The following ZNF831 variants were observed in gnomAD, a reference collection of about 807,000 sequenced individuals.
The protein encoded by ZNF831 is zinc finger protein 831.
Under a neutral mutation model 95.8 loss-of-function variants are expected in ZNF831, and 59 were observed. The observed-to-expected ratio is 0.62, with a 90% CI of 0.50 to 0.77. ZNF831 has a LOEUF of 0.77. Among genes scored for constraint, ZNF831 ranks in the 30% least tolerant of loss-of-function variants. The pLI, the probability that ZNF831 is intolerant of heterozygous loss-of-function variation, is 0.00. For missense variants in ZNF831, 2,205 were observed against 2,164.0 expected (o/e 1.02, Z -0.38); for synonymous variants, 961 against 925.5 (o/e 1.04, Z -0.70).
intron 4 of ZNF831, among the ~76,000 whole-genome samples, chr20:59,235,232 C>A (rs972867841): frequency 1.3e-5 from 2 of 152,166 alleles, no homozygotes; most frequent in African/African-American, 4.8e-5. Context: ...CCAGGGTCCC[C>A]GCTGCCAACA....
intron 4 of ZNF831, among the ~76,000 whole-genome samples, chr20:59,225,737 G>C (rs1986381441): frequency 6.6e-6 from 1 of 152,154 alleles, no homozygotes; most frequent in Non-Finnish European, 1.5e-5. Flanking sequence ...GGCCTCCATG[G>C]AGTTCACCCA....
intron 2 of ZNF831, among the ~76,000 whole-genome samples, chr20:59,157,979 A>G (rs989376361): frequency 6.6e-6 from 1 of 152,220 alleles, no homozygotes; most frequent in Non-Finnish European, 1.5e-5. Context: ...CTGAAAAATT[A>G]ATCTACAAAA....
At position 59,194,512 on chromosome 20, in the gene ZNF831, C is replaced by T. The variant is rs374702146; in HGVS notation, c.3493C>T (p.Arg1165Cys). ...HSGTSRSHST[R>C]SPHSTQNPFP... ...AGGGACGTCCCGGAGCCACAGCACC[C>T]GCAGTCCCCACAGCACCCAAAACCC... The change falls in exon 2 of 6, where the codon CGC becomes TGC. Residue 1165 changes from arginine (R) to cysteine (C), a missense_variant. By Grantham distance (180) the Arg-to-Cys change is radical (BLOSUM62 -3). Transcript: ENST00000371030. 23 of 1,609,698 alleles carry T rather than the reference C, an allele frequency of 1.4e-5. 1 individual carries two copies. Among genetic ancestry groups the T allele is most frequent in the South Asian group, 5.5e-5 (5 of 90,274 alleles).
intron 4 of ZNF831, among the ~76,000 whole-genome samples, chr20:59,240,400 C>T (rs1987259697): frequency 1.3e-5 from 2 of 152,174 alleles, no homozygotes; most frequent in Admixed American, 1.3e-4. Context: ...AAGGCTTTTT[C>T]TACACCTCAA....
chr20:59,193,733 C>G lies in ZNF831; in HGVS notation c.2714C>G (p.Pro905Arg). 1 of 1,610,886 alleles carries G rather than the reference C, an allele frequency of 6.2e-7. No homozygotes were observed. Among genetic ancestry groups the G allele is most frequent in the Admixed American group, 1.7e-5 (1 of 59,790 alleles). The change falls in exon 2 of 6, where the codon CCA becomes CGA. Residue 905 changes from proline (P) to arginine (R), a missense_variant. Transcript: ENST00000371030. ...GTGGGGCCAAGGGACAAGGCTACCC[C>G]ACTGCATCCTGCAGCCCCAGCCCCC... ...KRVGPRDKAT[P>R]LHPAAPAPAE...
At chr20:59,205,969 A>G (rs1269797627) in intron 3 of ZNF831, among the ~76,000 whole-genome samples, 2 of 152,256 alleles carry the variant, frequency 1.3e-5, no homozygotes, top group Admixed American at 1.3e-4. Context: ...GCTCTATGAC[A>G]TGAAACAATA....
intron 1 of ZNF831, among the ~76,000 whole-genome samples, chr20:59,144,607 G>T (rs1442666717): frequency 1.3e-5 from 2 of 152,180 alleles, no homozygotes; most frequent in Non-Finnish European, 2.9e-5. Flanking sequence ...GGAAGGGCTT[G>T]CCCGAGGCCC....
intron 4 of ZNF831, among the ~76,000 whole-genome samples, chr20:59,211,221 G>C (rs1985309786): frequency 1.3e-5 from 2 of 152,164 alleles, no homozygotes; most frequent in Non-Finnish European, 2.9e-5. Context: ...CTGGAATGGT[G>C]ACAAATATCT....
chr20:59,155,374 G>A (rs998475209), intron 2 of ZNF831, among the ~76,000 whole-genome samples: 16 of 152,220 alleles, frequency 1.1e-4, no homozygotes, highest in African/African-American at 3.9e-4. Context: ...GTGCAGCTGT[G>A]TCTCTGTCTG....
At chr20:59,134,991 G>A (rs758443035) in intron 1 of ZNF831, among the ~76,000 whole-genome samples, 3 of 152,026 alleles carry the variant, frequency 2.0e-5, no homozygotes, top group Admixed American at 6.6e-5. Context: ...CTGCATGGCA[G>A]CAGGAACATT....
At chr20:59,196,497 G>A (rs1408259244) in intron 3 of ZNF831, among the ~76,000 whole-genome samples, 1 of 152,096 alleles carries the variant, frequency 6.6e-6, no homozygotes, top group East Asian at 1.9e-4. Context: ...ACAAACAGGA[G>A]GCCCTGTGGA....
chr20:59,205,129 C>T (rs1036150434), intron 3 of ZNF831, among the ~76,000 whole-genome samples: 3 of 152,166 alleles, frequency 2.0e-5, no homozygotes, highest in African/African-American at 7.2e-5. Context: ...TCAAACTGTG[C>T]CGTTCTTAAC....
At chr20:59,184,845 T>C (rs927616528) in intron 1 of ZNF831, among the ~76,000 whole-genome samples, 1 of 152,214 alleles carries the variant, frequency 6.6e-6, no homozygotes, top group Non-Finnish European at 1.5e-5. Context: ...AAATTGTCAC[T>C]TCTTCTCTTC....
rs2146584534 is a variant in ZNF831 at position 59,193,504 on chromosome 20, G to A, written c.2485G>A (p.Asp829Asn). The A allele has an allele frequency of 6.2e-7, 1 of 1,610,452 alleles. No individual in the cohort carries two copies. The highest frequency in any genetic ancestry group is 8.5e-7 in the Non-Finnish European group (1 of 1,178,308). The change falls in exon 2 of 6, where the codon GAC (aspartate) becomes AAC (asparagine). Residue 829 changes from aspartate to asparagine, a missense_variant. Physicochemically the swap from Asp to Asn is conservative, Grantham distance 23 (BLOSUM62 1). Transcript: ENST00000371030. ...PSERKKLKVEDLHSWKQPEPV... is the reference protein window; with the variant it reads ...PSERKKLKVENLHSWKQPEPV... The stretch of plus-strand genomic sequence containing the variant: ...AGAGAGGAAGAAGCTGAAAGTGGAG[G>A]ACCTGCACAGCTGGAAGCAACCAGA...
intron 3 of ZNF831, among the ~76,000 whole-genome samples, chr20:59,205,278 C>T (rs1367088804): frequency 1.3e-5 from 2 of 152,194 alleles, no homozygotes; most frequent in East Asian, 1.9e-4. Flanking sequence ...CACCCAGGCC[C>T]TGCAGGATTT....
chr20:59,143,344 C>T (rs926583178), intron 1 of ZNF831, among the ~76,000 whole-genome samples: 3 of 152,232 alleles, frequency 2.0e-5, no homozygotes, highest in African/African-American at 7.2e-5. Flanking sequence ...GGTCTCCATG[C>T]TGATACCCAG....
intron 1 of ZNF831, among the ~76,000 whole-genome samples, chr20:59,124,427 T>C (rs1245551038): frequency 2.0e-5 from 3 of 152,224 alleles, no homozygotes; most frequent in Non-Finnish European, 4.4e-5. Flanking sequence ...TTTGTGTACC[T>C]GATTCACCAT....
intron 4 of ZNF831, among the ~76,000 whole-genome samples, chr20:59,214,590 A>G (rs904575511): frequency 1.3e-5 from 2 of 152,198 alleles, no homozygotes; most frequent in Non-Finnish European, 2.9e-5. Flanking sequence ...CTATTTTCCC[A>G]GTTAGAGTCT....
chr20:59,128,783 A>G (rs1306680655), intron 1 of ZNF831, among the ~76,000 whole-genome samples: 1 of 152,156 alleles, frequency 6.6e-6, no homozygotes, highest in Non-Finnish European at 1.5e-5. Flanking sequence ...TTTATTTGAG[A>G]TGGAGTCTCG....
Sources: allele counts gnomAD v4.1 joint callset (sites outside exome capture counted in the v4.1 genomes callset), GRCh38; gene constraint gnomAD v4.1.1; transcripts MANE v1.5; gene names NCBI Gene and HGNC (gene_info 2026-07-23, HGNC 2026-07-21).